Variants in PRKD1 observed in about 807,000 individuals in gnomAD.
PRKD1 encodes the protein protein kinase D1.
Under a neutral mutation model 95.9 loss-of-function variants are expected in PRKD1, and 63 were observed. That is an observed-to-expected ratio of 0.66 (90% CI 0.54 to 0.81). The LOEUF (loss-of-function observed/expected upper bound fraction) is 0.81. Ranked by LOEUF, PRKD1 falls within the 30% of genes least tolerant of loss-of-function variation. PRKD1 has a pLI of 0.00. For missense variants in PRKD1, 1,048 were observed against 1,165.3 expected (o/e 0.90, Z 1.47); for synonymous variants, 425 against 423.1 (o/e 1.00, Z -0.05).
At chr14:29,804,658 G>A (rs531792773) in intron 1 of PRKD1, among the ~76,000 whole-genome samples, 1 of 151,590 alleles carries the variant, frequency 6.6e-6, no homozygotes, top group South Asian at 2.1e-4. Flanking sequence ...CAGTTAAAAA[G>A]CAATGAACTT....
rs1202885669 is a variant in PRKD1, at chr14:29,826,768, TACAC to T, written c.264+100477_264+100480del. Among the ~76,000 whole-genome samples the T allele has an allele frequency of 4.8e-4, 17 of 35,128 alleles. 1 individual carries two copies. Among genetic ancestry groups the T allele is most frequent in the African/African-American group, 1.8e-3 (17 of 9,280 alleles). The allele number at this position is 35,128 out of a possible 152,430, so 23.0% of individuals were successfully genotyped here. A position where few individuals can be genotyped will look rare whatever the true frequency, so the allele number is the denominator to read the frequency against. On this transcript the variant is annotated intron_variant, in intron 1 of 17. Transcript: ENST00000331968. ...ACACATATATATATACATATATATA[TACAC>T]ATATATATACATATATACACATATA...
chr14:29,686,874 T>TG lies in PRKD1; in HGVS notation c.404-20667dup, dbSNP rs1776648685. Among the ~76,000 whole-genome samples, 5 of 152,226 alleles carry TG rather than the reference T, an allele frequency of 3.3e-5. No individual in the cohort carries two copies. In the South Asian group the frequency reaches 1.0e-3, roughly 32 times the overall value. The stretch of plus-strand genomic sequence containing the variant: ...CGTTCTCGCTACTTGAGGTTAGGGT[T>TG]GATGCAGATCACGGCACAGAACTTA... On this transcript the variant is annotated intron_variant, in intron 2 of 17. Coordinates refer to ENST00000331968, the MANE Select transcript of PRKD1 (RefSeq NM_002742.3).
intron 2 of PRKD1, among the ~76,000 whole-genome samples, chr14:29,704,075 C>T (rs1884965574): frequency 6.6e-6 from 1 of 152,070 alleles, no homozygotes; most frequent in Non-Finnish European, 1.5e-5. Flanking sequence ...GTAAACAATA[C>T]AACACGGGAC....
At chr14:29,776,287 T>A (rs751576798) in intron 1 of PRKD1, among the ~76,000 whole-genome samples, 2 of 152,206 alleles carry the variant, frequency 1.3e-5, no homozygotes, top group Non-Finnish European at 2.9e-5. Flanking sequence ...TGAACAAAGC[T>A]GGACGGAGAA....
At chr14:29,908,190 C>T (rs1245400997) in intron 1 of PRKD1, among the ~76,000 whole-genome samples, 3 of 147,892 alleles carry the variant, frequency 2.0e-5, no homozygotes, top group Non-Finnish European at 3.0e-5. Flanking sequence ...CTGAAAAAAG[C>T]AAAGAATCAT....
At chr14:29,887,255 G>A (rs565871500) in intron 1 of PRKD1, among the ~76,000 whole-genome samples, 3 of 152,130 alleles carry the variant, frequency 2.0e-5, no homozygotes, top group East Asian at 1.9e-4. Context: ...CATCCCTGCC[G>A]CTACTGCTCT....
chr14:29,726,799 AC>A lies in PRKD1; in HGVS notation c.265-1126del, dbSNP rs201522749. Among the ~76,000 whole-genome samples the A allele has an allele frequency of 5.9e-3, 890 of 151,906 alleles. 8 individuals carry two copies. Among genetic ancestry groups the A allele is most frequent in the African/African-American group, 0.02 (829 of 41,386 alleles). Reference sequence around the variant, plus strand: ...AAGTTAACTTCCTTAAAAAAAAAAAACACAACAGCTGAAATGATGTCACTGC... The same window carrying A: ...AAGTTAACTTCCTTAAAAAAAAAAAAACAACAGCTGAAATGATGTCACTGC... On this transcript the variant is annotated intron_variant, in intron 1 of 17. Transcript: ENST00000331968.
Position 29,927,517 on chromosome 14 carries a change from C to A in PRKD1, c.-5G>T. ...CAGGACCGGAGGGGCGCTCATCGCT[C>A]GGCGGGGCGCAGGGCCGGGCAGCGG... On this transcript the variant is annotated 5_prime_UTR_variant, in exon 1 of 18. Transcript: ENST00000331968. The A allele has an allele frequency of 8.5e-7, 1 of 1,181,838 alleles. No homozygotes were observed. Among genetic ancestry groups the A allele is most frequent in the East Asian group, 3.8e-5 (1 of 26,224 alleles). The allele number at this position is 1,181,838 out of a possible 1,614,324, so 73.2% of individuals were successfully genotyped here.
chr14:29,865,806 CA>C (rs1259633018), intron 1 of PRKD1, among the ~76,000 whole-genome samples: 1 of 152,180 alleles, frequency 6.6e-6, no homozygotes, highest in African/African-American at 2.4e-5. Flanking sequence ...TTTCTGGCAA[CA>C]GCAGCAAATC....
intron 1 of PRKD1, among the ~76,000 whole-genome samples, chr14:29,728,963 G>A (rs1886304372): frequency 1.3e-5 from 2 of 152,022 alleles, no homozygotes; most frequent in South Asian, 4.1e-4. Flanking sequence ...TTTGGATATA[G>A]GACCATTGAA....
intron 13 of PRKD1, among the ~76,000 whole-genome samples, chr14:29,605,133 T>C (rs1467385167): frequency 6.6e-6 from 1 of 152,080 alleles, no homozygotes; most frequent in East Asian, 1.9e-4. Flanking sequence ...TCATCTCTTT[T>C]ACAGGGATCC....
intron 5 of PRKD1, 39 bp from the exon 6 acceptor site, chr14:29,638,605 T>G: frequency 3.7e-6 from 6 of 1,613,446 alleles, no homozygotes; most frequent in African/African-American, 1.3e-5. Context: ...AAATGAGAAT[T>G]TGTCATAAAG....
chr14:29,732,185 CT>C (rs1886474074), intron 1 of PRKD1, among the ~76,000 whole-genome samples: 1 of 152,042 alleles, frequency 6.6e-6, no homozygotes, highest in Non-Finnish European at 1.5e-5. Flanking sequence ...CAATCCTTAC[CT>C]TTTAAGTTGT....
At chr14:29,645,890 T>A (rs1191340147) in intron 4 of PRKD1, among the ~76,000 whole-genome samples, 1 of 152,104 alleles carries the variant, frequency 6.6e-6, no homozygotes, top group African/African-American at 2.4e-5. Flanking sequence ...TCTCACATCA[T>A]CCTGTCTCCT....
At chr14:29,732,979 T>A (rs1886518558) in intron 1 of PRKD1, among the ~76,000 whole-genome samples, 1 of 151,626 alleles carries the variant, frequency 6.6e-6, no homozygotes, top group South Asian at 2.1e-4. Flanking sequence ...ATTTATACAT[T>A]TCATGACATT....
At chr14:29,647,836 T>TAA (rs1881228293) in intron 4 of PRKD1, among the ~76,000 whole-genome samples, 1 of 152,308 alleles carries the variant, frequency 6.6e-6, no homozygotes, top group Admixed American at 6.5e-5. Flanking sequence ...AGACGTGTCC[T>TAA]GAAAGACTGA....
At chr14:29,582,906 A>T (rs183938383) in intron 16 of PRKD1, among the ~76,000 whole-genome samples, 23 of 152,278 alleles carry the variant, frequency 1.5e-4, no homozygotes, top group Admixed American at 3.3e-4. Flanking sequence ...CATTCTATGA[A>T]TTCCTCTCAA....
intron 8 of PRKD1, 82 bp from the exon 9 acceptor site, chr14:29,633,028 T>C: frequency 2.4e-6 from 3 of 1,272,232 alleles, no homozygotes; most frequent in Non-Finnish European, 3.4e-6. Context: ...ATTTCCCCAA[T>C]AGGGACATGC....
At chr14:29,801,519 T>C (rs1890028229) in intron 1 of PRKD1, among the ~76,000 whole-genome samples, 1 of 152,228 alleles carries the variant, frequency 6.6e-6, no homozygotes, top group South Asian at 2.1e-4. Flanking sequence ...ACTAACAGTG[T>C]GGTTTTAAGA....
Sources: gnomAD v4.1 joint callset for allele counts (sites outside exome capture counted in the v4.1 genomes callset) on GRCh38, gnomAD v4.1.1 for gene constraint, MANE v1.5 for transcripts, NCBI Gene and HGNC (gene_info 2026-07-23, HGNC 2026-07-21) for gene names.